Variants in MAN2A1 observed in about 807,000 individuals in gnomAD.
MAN2A1 encodes the protein alpha-mannosidase 2.
A neutral mutation model predicts 142.6 loss-of-function variants in MAN2A1; 76 were observed. The ratio of observed to expected loss-of-function variants is 0.53; its 90% CI spans 0.44 to 0.65. The LOEUF (loss-of-function observed/expected upper bound fraction) is 0.65, where lower values mean the gene tolerates loss of function less well. Ranked by LOEUF, MAN2A1 falls within the 30% of genes least tolerant of loss-of-function variation. The pLI is 0.00. For synonymous variants in MAN2A1, 559 were observed against 473.2 expected (o/e 1.18, Z -2.35); for missense variants, 1,311 against 1,365.1 (o/e 0.96, Z 0.62).
chr5:109,813,353 C>G (rs1754369079), intron 12 of MAN2A1, among the ~76,000 whole-genome samples: 1 of 152,210 alleles, frequency 6.6e-6, no homozygotes, highest in African/African-American at 2.4e-5. Flanking sequence ...CACAAAGATC[C>G]TTATATGCCT....
intron 16 of MAN2A1, among the ~76,000 whole-genome samples, chr5:109,834,676 C>T (rs552044450): frequency 6.6e-6 from 1 of 152,178 alleles, no homozygotes; most frequent in East Asian, 1.9e-4. Flanking sequence ...GTAATAGTAG[C>T]TGTTTATCTA....
chr5:109,855,109 C>T, intron 19 of MAN2A1, 31 bp from the exon 20 acceptor site: 2 of 1,250,214 alleles, frequency 1.6e-6, no homozygotes, highest in Non-Finnish European at 2.2e-6. Context: ...GAAATATAGA[C>T]CTCTTAAACA....
chr5:109,786,222 T>C (rs1039758541), intron 10 of MAN2A1, among the ~76,000 whole-genome samples: 17 of 152,176 alleles, frequency 1.1e-4, no homozygotes, highest in Middle Eastern at 3.4e-3. Flanking sequence ...ACAGAAACCA[T>C]TTTTGAAAGT....
chr5:109,844,839 A>G (rs1755306343), intron 17 of MAN2A1, among the ~76,000 whole-genome samples: 1 of 152,216 alleles, frequency 6.6e-6, no homozygotes, highest in African/African-American at 2.4e-5. Flanking sequence ...TCATTAGGTT[A>G]GGTCCCAACA....
At chr5:109,840,687 T>G (rs1755178446) in intron 16 of MAN2A1, 1 of 433,122 alleles carries the variant, frequency 2.3e-6, no homozygotes, top group African/African-American at 2.1e-5. Flanking sequence ...GCTTTATCAG[T>G]CATTGTTTCC....
At chr5:109,823,133 T>A (rs976577124) in intron 15 of MAN2A1, among the ~76,000 whole-genome samples, 1 of 152,254 alleles carries the variant, frequency 6.6e-6, no homozygotes, top group Non-Finnish European at 1.5e-5. Flanking sequence ...TACCATTTTT[T>A]AAAATTTAAA....
chr5:109,774,304 C>T (rs1278308409), intron 7 of MAN2A1, among the ~76,000 whole-genome samples: 3 of 151,916 alleles, frequency 2.0e-5, no homozygotes, highest in Non-Finnish European at 4.4e-5. Flanking sequence ...GTTCAAAGTA[C>T]ACTTTTTTCT....
chr5:109,775,621 G>C (rs989964026), intron 8 of MAN2A1, among the ~76,000 whole-genome samples: 3 of 151,816 alleles, frequency 2.0e-5, no homozygotes, highest in African/African-American at 4.8e-5. Flanking sequence ...ATGCCACACT[G>C]CTGTCTCACT....
intron 7 of MAN2A1, among the ~76,000 whole-genome samples, chr5:109,772,068 A>G (rs187765685): frequency 9.8e-5 from 15 of 152,318 alleles, no homozygotes. Context: ...ATACTGTTGA[A>G]TGAGTCTATA....
At chr5:109,840,288 G>A (rs1042316180) in intron 16 of MAN2A1, 1 of 305,396 alleles carries the variant, frequency 3.3e-6, no homozygotes, top group African/African-American at 2.3e-5. Flanking sequence ...CTAAAGTGTT[G>A]AATTTCCTTC....
chr5:109,700,807 T>A (rs1190066390), intron 1 of MAN2A1, among the ~76,000 whole-genome samples: 6 of 152,212 alleles, frequency 3.9e-5, no homozygotes, highest in African/African-American at 4.8e-5. Context: ...TCCTGACTTA[T>A]AATTCACTGG....
chr5:109,801,511 A>G (rs917094057), intron 12 of MAN2A1, among the ~76,000 whole-genome samples: 1 of 152,162 alleles, frequency 6.6e-6, no homozygotes. Flanking sequence ...GCCATCCTAA[A>G]TAAAATTGGC....
At chr5:109,757,682 G>A in intron 5 of MAN2A1, among the ~76,000 whole-genome samples, 1 of 152,046 alleles carries the variant, frequency 6.6e-6, no homozygotes. Context: ...ATACCCAGTA[G>A]TAGTCACTCC....
intron 1 of MAN2A1, among the ~76,000 whole-genome samples, chr5:109,691,153 AG>A (rs1750660228): frequency 6.6e-6 from 1 of 152,152 alleles, no homozygotes; most frequent in Non-Finnish European, 1.5e-5. Context: ...TGTGGCAGAC[AG>A]GGGGAACCGA....
chr5:109,690,641 C>A, intron 1 of MAN2A1, 89 bp downstream of exon 1: 1 of 1,428,922 alleles, frequency 7.0e-7, no homozygotes, highest in Non-Finnish European at 9.5e-7. Flanking sequence ...CTTCCTCCCG[C>A]CGCGGCCCCA....
intron 12 of MAN2A1, among the ~76,000 whole-genome samples, chr5:109,807,693 C>T (rs1369856129): frequency 1.3e-5 from 2 of 152,068 alleles, no homozygotes; most frequent in African/African-American, 4.8e-5. Flanking sequence ...CTCCCCATAC[C>T]GTGAGCTGTA....
chr5:109,690,689 C>T, intron 1 of MAN2A1, 137 bp downstream of exon 1: 1 of 988,826 alleles, frequency 1.0e-6, no homozygotes, highest in Non-Finnish European at 1.5e-6. Flanking sequence ...CTGTAGCTCT[C>T]GGACGGCAAT....
chr5:109,758,917 T>A (rs1752764516), intron 5 of MAN2A1, among the ~76,000 whole-genome samples: 1 of 152,016 alleles, frequency 6.6e-6, no homozygotes, highest in Non-Finnish European at 1.5e-5. Flanking sequence ...TTATGAGAGT[T>A]TATTCCTGGA....
At position 109,712,852 on chromosome 5, in the gene MAN2A1, C is replaced by T. The variant is rs568362990; in HGVS notation, c.136-668C>T. 9.9e-5 allele frequency among the ~76,000 whole-genome samples: 15 copies of T among 152,270 alleles called. 1 individual carries two copies. The highest frequency in any genetic ancestry group is 3.4e-4 in the African/African-American group (14 of 41,556). ...GTGAACAAGGTAAAGATTGTCCCTG[C>T]TCTCATAAGGTGAGGTATTATTTTG... is the stretch of plus-strand genomic sequence containing the variant. On this transcript the variant is annotated intron_variant, in intron 1 of 21. Transcript: ENST00000261483.
Sources: gnomAD v4.1 joint callset for allele counts (sites outside exome capture counted in the v4.1 genomes callset) on GRCh38, gnomAD v4.1.1 for gene constraint, MANE v1.5 for transcripts, NCBI Gene and HGNC (gene_info 2026-07-23, HGNC 2026-07-21) for gene names.